The following TXLNB variants were observed in gnomAD, a reference collection of about 807,000 sequenced individuals.
TXLNB encodes the protein taxilin beta.
In TXLNB, 37 loss-of-function variants were observed where a neutral mutation model predicts 57.4. The ratio of observed to expected loss-of-function variants is 0.64; its 90% CI spans 0.50 to 0.85. The LOEUF is 0.85. Ranked by LOEUF, TXLNB falls within the 40% of genes least tolerant of loss-of-function variation. The pLI, the probability that TXLNB is intolerant of heterozygous loss-of-function variation, is 0.00. For missense variants in TXLNB, 848 were observed against 825.6 expected, an observed-to-expected ratio of 1.03 and a Z score of -0.33; for synonymous variants, 302 against 309.6, an observed-to-expected ratio of 0.98 and a Z score of 0.26.
chr6:139,316,223 C>G, the TXLNB span, among the ~76,000 whole-genome samples: 1 of 152,190 alleles, frequency 6.6e-6, no homozygotes, highest in East Asian at 1.9e-4. Flanking sequence ...TGAACCTTCT[C>G]TTAGGCCTAC....
At chr6:139,278,841 T>TA (rs376564051) in intron 2 of TXLNB, among the ~76,000 whole-genome samples, 276 of 152,160 alleles carry the variant, frequency 1.8e-3, no homozygotes, top group African/African-American at 5.5e-3. Context: ...CCATCTCTAC[T>TA]AAAATACAAA....
the TXLNB span, among the ~76,000 whole-genome samples, chr6:139,193,824 A>T: frequency 0.2 from 9,122 of 46,386 alleles, 507 homozygotes; most frequent in Admixed American, 0.3. Context: ...TGGCTAATTT[A>T]TATATATATA....
intron 7 of TXLNB, among the ~76,000 whole-genome samples, chr6:139,253,037 T>C (rs1298628583): frequency 6.6e-6 from 1 of 152,196 alleles, no homozygotes; most frequent in Non-Finnish European, 1.5e-5. Context: ...CCTTCTCATA[T>C]TTCCATATTT....
At chr6:139,309,577 A>T in the TXLNB span, among the ~76,000 whole-genome samples, 2 of 152,136 alleles carry the variant, frequency 1.3e-5, no homozygotes, top group African/African-American at 2.4e-5. Flanking sequence ...TGTCCAAACT[A>T]CACACTTAGT....
At chr6:139,243,375 TC>T in intron 9 of TXLNB, 61 bp from the exon 10 acceptor site, 1 of 1,489,840 alleles carries the variant, frequency 6.7e-7, no homozygotes, top group South Asian at 1.3e-5. Context: ...AAGCAAAATG[TC>T]CAGGATGCTT....
the TXLNB span, among the ~76,000 whole-genome samples, chr6:139,212,040 T>C: frequency 1.3e-5 from 2 of 152,212 alleles, no homozygotes; most frequent in Non-Finnish European, 2.9e-5. Context: ...TGGAACCAAG[T>C]TGGAAAACAC....
chr6:139,207,691 A>C, the TXLNB span, among the ~76,000 whole-genome samples: 1 of 152,216 alleles, frequency 6.6e-6, no homozygotes, highest in African/African-American at 2.4e-5. Context: ...ATGAACCAAA[A>C]GTTGGTTCTT....
the TXLNB span, among the ~76,000 whole-genome samples, chr6:139,194,141 C>A: frequency 6.6e-6 from 1 of 152,276 alleles, no homozygotes; most frequent in Admixed American, 6.5e-5. Flanking sequence ...TGGGGTTTCA[C>A]CATGTTGGCC....
the TXLNB span, among the ~76,000 whole-genome samples, chr6:139,191,819 A>T: frequency 6.6e-6 from 1 of 152,182 alleles, no homozygotes; most frequent in South Asian, 2.1e-4. Context: ...AAGCAACCAC[A>T]GGGACGCGAG....
At chr6:139,270,743 A>C in intron 3 of TXLNB, 117 bp from the exon 4 acceptor site, 3 of 854,596 alleles carry the variant, frequency 3.5e-6, no homozygotes, top group Non-Finnish European at 5.5e-6. Context: ...TTTTGCTATT[A>C]TCTCTTCCTC....
At chr6:139,276,715 C>T (rs1776905051) in intron 3 of TXLNB, 115 bp downstream of exon 3, 2 of 761,296 alleles carry the variant, frequency 2.6e-6, no homozygotes, top group South Asian at 3.3e-5. Flanking sequence ...GCACAGACCT[C>T]AGATGTTGCT....
At chr6:139,192,876 T>A in the TXLNB span, among the ~76,000 whole-genome samples, 1 of 151,496 alleles carries the variant, frequency 6.6e-6, no homozygotes, top group South Asian at 2.1e-4. Flanking sequence ...GGCAGGAGAA[T>A]CACTTGAACC....
the TXLNB span, among the ~76,000 whole-genome samples, chr6:139,316,768 G>A: frequency 1.3e-5 from 2 of 152,198 alleles, no homozygotes; most frequent in African/African-American, 4.8e-5. Context: ...CTGGAGTCAG[G>A]GGAAATGCAT....
chr6:139,163,000 C>T, the TXLNB span, among the ~76,000 whole-genome samples: 1 of 152,212 alleles, frequency 6.6e-6, no homozygotes, highest in South Asian at 2.1e-4. Flanking sequence ...CTGTTTCTGC[C>T]TTTTCACCTC....
the TXLNB span, among the ~76,000 whole-genome samples, chr6:139,164,817 G>A: frequency 0.17 from 17,668 of 100,978 alleles, 1,401 homozygotes; most frequent in East Asian, 0.26. Flanking sequence ...TCATACAACC[G>A]GCAGCCACTC....
rs1056410367 is a variant in TXLNB at position 139,242,517 on chromosome 6, C to T, written c.*9G>A. 2.0e-6 allele frequency: 3 copies of T among 1,485,696 alleles called. No homozygotes were observed. The highest frequency in any genetic ancestry group is 2.4e-5 in the East Asian group (1 of 41,720). The allele number at this position is 1,485,696 out of a possible 1,614,324, so 92.0% of individuals were successfully genotyped here. ...AGGCAGGAAGAAGCCTCTGAAGGCACGGTGAGGCTTAGTCGACGCCTTCCA... is the reference window on the plus strand; with the variant it reads ...AGGCAGGAAGAAGCCTCTGAAGGCATGGTGAGGCTTAGTCGACGCCTTCCA... On this transcript the variant is annotated 3_prime_UTR_variant, in exon 10 of 10. Transcript: ENST00000358430.
At chr6:139,200,908 C>T in the TXLNB span, among the ~76,000 whole-genome samples, 3 of 152,246 alleles carry the variant, frequency 2.0e-5, no homozygotes, top group African/African-American at 7.2e-5. Flanking sequence ...ACACCCCATA[C>T]CATGCATCTG....
the TXLNB span, chr6:139,177,158 A>G: frequency 3.5e-5 from 25 of 720,270 alleles, no homozygotes; most frequent in Middle Eastern, 5.9e-4. This position sits in a 1 kb window ranked among gnomAD's most constrained non-coding sequence, Gnocchi z 4.9. Flanking sequence ...ACTTTATTAC[A>G]TATCTTTTAT....
At chr6:139,233,529 T>C in the TXLNB span, among the ~76,000 whole-genome samples, 1 of 151,926 alleles carries the variant, frequency 6.6e-6, no homozygotes, top group African/African-American at 2.4e-5. Context: ...CTTGACCTCC[T>C]GGACTTGGTG....
Sources: allele counts gnomAD v4.1 joint callset (sites outside exome capture counted in the v4.1 genomes callset), GRCh38; gene constraint gnomAD v4.1.1; non-coding constraint Gnocchi (gnomAD v3.1); transcripts MANE v1.5; gene names NCBI Gene and HGNC (gene_info 2026-07-23, HGNC 2026-07-21).